The following EYS variants were observed in gnomAD, a reference collection of about 807,000 sequenced individuals.
The protein encoded by EYS is EGF-like photoreceptor maintenance factor, also known as protein eyes shut homolog.
A neutral mutation model predicts 282.1 loss-of-function variants in EYS; 250 were observed. The ratio of observed to expected loss-of-function variants is 0.89; its 90% CI spans 0.80 to 0.98. EYS has a LOEUF of 0.98. Ranked by LOEUF, EYS falls within the 50% of genes least tolerant of loss-of-function variation. EYS has a pLI of 0.00. For synonymous variants in EYS, 1,355 were observed against 1,282.9 expected (o/e 1.06, Z -1.20); for missense variants, 4,016 against 3,709.0 (o/e 1.08, Z -2.15).
chr6:64,441,576 T>G (rs970208115), intron 26 of EYS, among the ~76,000 whole-genome samples: 3 of 152,168 alleles, frequency 2.0e-5, no homozygotes, highest in African/African-American at 7.2e-5. Context: ...CAAACATCAT[T>G]GATATCGTTT....
In EYS at chr6:65,495,535, T is replaced by A; in HGVS notation, c.-125A>T. On this transcript the variant is annotated 5_prime_UTR_variant, in exon 4 of 43. Transcript: ENST00000503581. ...TCCTGGGAATTGGAATTGACCTTTTTTCTATACCCAAAGTAGCTTTGATGA... is the reference window on the plus strand; with the variant it reads ...TCCTGGGAATTGGAATTGACCTTTTATCTATACCCAAAGTAGCTTTGATGA... 1.1e-6 allele frequency: 1 copy of A among 935,720 alleles called. No homozygotes were observed. The highest frequency in any genetic ancestry group is 1.6e-6 in the Non-Finnish European group (1 of 608,030). 58.0% of individuals were successfully genotyped at this position (935,720 alleles called of 1,614,324 possible).
At chr6:63,723,344 CATAATTG>C (rs1380096816) in intron 42 of EYS, among the ~76,000 whole-genome samples, 1 of 151,996 alleles carries the variant, frequency 6.6e-6, no homozygotes, top group South Asian at 2.1e-4. Flanking sequence ...AACAAGTAAA[CATAATTG>C]ATAATTAAGT....
chr6:64,814,442 C>T (rs1764688385), intron 21 of EYS, among the ~76,000 whole-genome samples: 1 of 151,942 alleles, frequency 6.6e-6, no homozygotes, highest in Non-Finnish European at 1.5e-5. Context: ...ATCTTTCTTT[C>T]TTCTCCACTC....
rs372921529 is a variant in EYS, at chr6:65,309,839, A to G, written c.1767-13720T>C. On this transcript the variant is annotated intron_variant, in intron 11 of 42. Transcript: ENST00000503581. ...TTGATCCTACTTTCAAACAGACGTG[A>G]CTACTTCTCTCCCTTTCACAGTGAC... 3.9e-5 allele frequency among the ~76,000 whole-genome samples: 6 copies of G among 152,220 alleles called. No homozygotes were observed. The South Asian group carries it at 1.0e-3, about 26-fold the overall frequency.
intron 13 of EYS, among the ~76,000 whole-genome samples, chr6:65,006,115 C>T (rs958883552): frequency 2.0e-5 from 3 of 152,096 alleles, no homozygotes; most frequent in African/African-American, 7.2e-5. Context: ...TTTAGGTATA[C>T]AGCTGTCTAC....
rs1344410267 is a variant in EYS at position 65,478,203 on chromosome 6, CA to C, written c.862+12390del. On this transcript the variant is annotated intron_variant, in intron 5 of 42. Transcript: ENST00000503581. ...TAGAGAAGATATAATATATGAATGACAGCAGAGAAAATATGAATGTATATGG... is the reference window on the plus strand; with the variant it reads ...TAGAGAAGATATAATATATGAATGACGCAGAGAAAATATGAATGTATATGG... Among the ~76,000 whole-genome samples, 9 of 152,198 alleles carry C rather than the reference CA, an allele frequency of 5.9e-5. 1 individual carries two copies. Among genetic ancestry groups the C allele is most frequent in the African/African-American group, 2.2e-4 (9 of 41,558 alleles).
At chr6:64,553,612 A>C (rs912246268) in intron 26 of EYS, among the ~76,000 whole-genome samples, 4 of 145,186 alleles carry the variant, frequency 2.8e-5, no homozygotes, top group African/African-American at 7.6e-5. Context: ...CTATAGCAAC[A>C]AGCAAGTAAT....
At chr6:65,077,293 G>A (rs1774084565) in intron 12 of EYS, among the ~76,000 whole-genome samples, 2 of 152,026 alleles carry the variant, frequency 1.3e-5, no homozygotes, top group African/African-American at 4.8e-5. Context: ...CTCAAAGTAT[G>A]CATTTACAAG....
chr6:64,222,058 T>C (rs1766121133), intron 31 of EYS, among the ~76,000 whole-genome samples: 1 of 152,094 alleles, frequency 6.6e-6, no homozygotes, highest in African/African-American at 2.4e-5. Flanking sequence ...TGAAGATTAA[T>C]TTCCATATTG....
intron 30 of EYS, among the ~76,000 whole-genome samples, chr6:64,279,026 C>A (rs2150360791): frequency 6.6e-6 from 1 of 152,286 alleles, no homozygotes; most frequent in Middle Eastern, 3.4e-3. Context: ...TTTACTAATA[C>A]ATTTTCACTA....
At chr6:64,460,191 T>A (rs765134217) in intron 26 of EYS, among the ~76,000 whole-genome samples, 27 of 152,196 alleles carry the variant, frequency 1.8e-4, no homozygotes, top group South Asian at 4.1e-4. Context: ...TCAATGGGCA[T>A]AATTATAATA....
intron 28 of EYS, among the ~76,000 whole-genome samples, chr6:64,416,640 C>T (rs1326639073): frequency 3.3e-5 from 5 of 151,674 alleles, no homozygotes; most frequent in Non-Finnish European, 5.9e-5. Flanking sequence ...GTTTATCACT[C>T]ACCATAGCTA....
chr6:65,636,990 A>T (rs952469236), intron 2 of EYS, among the ~76,000 whole-genome samples: 2 of 151,950 alleles, frequency 1.3e-5, no homozygotes, highest in African/African-American at 2.4e-5. Context: ...TTGTTTTTTT[A>T]AAAAATTTTG....
intron 35 of EYS, among the ~76,000 whole-genome samples, chr6:63,880,998 C>G (rs914456689): frequency 1.3e-5 from 2 of 151,476 alleles, no homozygotes; most frequent in African/African-American, 4.9e-5. Context: ...GGCATTTATA[C>G]CTAGTTAACA....
chr6:64,682,196 C>G (rs573665257), intron 22 of EYS, among the ~76,000 whole-genome samples: 1 of 152,226 alleles, frequency 6.6e-6, no homozygotes, highest in Non-Finnish European at 1.5e-5. Context: ...AATCCTGTCT[C>G]TACTAAAAAT....
chr6:65,540,457 A>G (rs1032627765), intron 2 of EYS, among the ~76,000 whole-genome samples: 2 of 152,218 alleles, frequency 1.3e-5, no homozygotes, highest in Non-Finnish European at 2.9e-5. Flanking sequence ...AGAGACAAGA[A>G]TTATAAAGTC....
rs534289224 is a variant in EYS, at chr6:65,155,736, A to C, written c.2024-98009T>G. 4.0e-5 allele frequency among the ~76,000 whole-genome samples: 6 copies of C among 151,606 alleles called. No homozygotes were observed. The East Asian group carries it at 1.2e-3, about 30-fold the overall frequency. Reference sequence around the variant, plus strand: ...AACAGAAAGTTGTCTATTATGTAAAAAGCATTGCAGTGTAGATAAAAATTA... The same window carrying C: ...AACAGAAAGTTGTCTATTATGTAAACAGCATTGCAGTGTAGATAAAAATTA... On this transcript the variant is annotated intron_variant, in intron 12 of 42. Coordinates refer to ENST00000503581, the MANE Select transcript of EYS (RefSeq NM_001142800.2).
At chr6:64,138,688 G>T (rs2150286451) in intron 31 of EYS, among the ~76,000 whole-genome samples, 1 of 152,242 alleles carries the variant, frequency 6.6e-6, no homozygotes, top group Non-Finnish European at 1.5e-5. Flanking sequence ...AAAATAAAAA[G>T]CATCCTCATA....
intron 28 of EYS, among the ~76,000 whole-genome samples, chr6:64,409,328 G>A (rs1052533157): frequency 6.6e-6 from 1 of 152,138 alleles, no homozygotes; most frequent in Non-Finnish European, 1.5e-5. Context: ...GGGATTGTTG[G>A]GTTGAATGGT....
Sources: gnomAD v4.1 joint callset for allele counts (sites outside exome capture counted in the v4.1 genomes callset) on GRCh38, gnomAD v4.1.1 for gene constraint, MANE v1.5 for transcripts, NCBI Gene and HGNC (gene_info 2026-07-23, HGNC 2026-07-21) for gene names.